The following DCDC1 variants were observed in gnomAD, a reference collection of about 807,000 sequenced individuals.
DCDC1 encodes doublecortin domain-containing protein 1.
Under a neutral mutation model 178.3 loss-of-function variants are expected in DCDC1, and 200 were observed. That is an observed-to-expected ratio of 1.12 (90% CI 1.00 to 1.26). The LOEUF (loss-of-function observed/expected upper bound fraction) is 1.26. Among genes scored for constraint, DCDC1 ranks in the 50% most tolerant of loss-of-function variants. DCDC1 has a pLI of 0.00. For missense variants in DCDC1, 1,983 were observed against 1,749.2 expected (o/e 1.13, Z -2.38); for synonymous variants, 690 against 604.8 (o/e 1.14, Z -2.07).
In DCDC1 at chr11:31,310,308, A is replaced by ATTTTTTTTT. The variant is rs11407483; in HGVS notation, c.165-2409_165-2401dup. Among the ~76,000 whole-genome samples the ATTTTTTTTT allele has an allele frequency of 1.4e-3, 74 of 53,876 alleles. 7 individuals are homozygous for ATTTTTTTTT. The highest frequency in any genetic ancestry group is 2.0e-3 in the African/African-American group (24 of 11,726). 35.3% of individuals were successfully genotyped at this position (53,876 alleles called of 152,430 possible). ...GAGGACAGGTTTTCAGTAATTCTTG[A>ATTTTTTTTT]TTTTTTTTTTTTTTTTTTTTTTTTT... On this transcript the variant is annotated intron_variant, in intron 3 of 38. Transcript: ENST00000684477.
chr11:31,221,413 A>G (rs1200062644), intron 9 of DCDC1, among the ~76,000 whole-genome samples: 4 of 152,202 alleles, frequency 2.6e-5, no homozygotes, highest in African/African-American at 9.6e-5. Context: ...CAAGTCAAAA[A>G]CCTAGCAATG....
intron 2 of DCDC1, among the ~76,000 whole-genome samples, chr11:31,333,727 A>G (rs533510032): frequency 2.5e-4 from 38 of 152,280 alleles, no homozygotes; most frequent in African/African-American, 8.4e-4. Context: ...TCTGGTTTGT[A>G]GAGTTTCTGC....
intron 2 of DCDC1, among the ~76,000 whole-genome samples, chr11:31,334,427 C>G (rs886854821): frequency 6.6e-6 from 1 of 152,134 alleles, no homozygotes; most frequent in Non-Finnish European, 1.5e-5. Context: ...CCATTGCTGG[C>G]GAGGAGCTGC....
At chr11:31,053,330 T>C (rs547802791) in intron 20 of DCDC1, among the ~76,000 whole-genome samples, 30 of 152,142 alleles carry the variant, frequency 2.0e-4, no homozygotes, top group African/African-American at 6.5e-4. Context: ...GAGATTGAAA[T>C]GGTAATTTAA....
intron 9 of DCDC1, among the ~76,000 whole-genome samples, chr11:31,218,026 C>T (rs1373463976): frequency 2.0e-5 from 3 of 151,936 alleles, no homozygotes; most frequent in Non-Finnish European, 2.9e-5. Flanking sequence ...AGAAATATCT[C>T]CTCTCTAAAA....
Position 30,881,177 on chromosome 11 carries a change from A to C in DCDC1, c.5214T>G (p.His1738Gln). 4 of 1,613,296 alleles carry C rather than the reference A, an allele frequency of 2.5e-6. No individual in the cohort carries two copies. Among genetic ancestry groups the C allele is most frequent in the Non-Finnish European group, 3.4e-6 (4 of 1,179,452 alleles). Residue 1738 changes from histidine to glutamine, a missense_variant, in exon 37 of 39, where the codon CAT becomes CAG. Transcript: ENST00000684477. ...GCATACCTTTTGGGGTTTTGAAACC[A>C]TGTCCCATAGACACACAGATGACCA... The part of the protein sequence containing the change: ...RDMVICVSMG[H>Q]GFKTPKELKQ...
At chr11:30,972,998 G>A (rs1045310299) in intron 20 of DCDC1, among the ~76,000 whole-genome samples, 15 of 152,020 alleles carry the variant, frequency 9.9e-5, no homozygotes, top group Admixed American at 6.6e-5. Context: ...CCGGCCAGGC[G>A]TGGTGGCTTA....
intron 23 of DCDC1, among the ~76,000 whole-genome samples, chr11:30,924,122 C>A (rs1395418251): frequency 6.6e-6 from 1 of 152,160 alleles, no homozygotes; most frequent in Non-Finnish European, 1.5e-5. Flanking sequence ...CTATACTTAC[C>A]ATTAAATTAA....
At chr11:31,271,902 C>T (rs1049687809) in intron 7 of DCDC1, among the ~76,000 whole-genome samples, 1 of 152,114 alleles carries the variant, frequency 6.6e-6, no homozygotes, top group Non-Finnish European at 1.5e-5. Flanking sequence ...GTAGCTCATG[C>T]CTGTAATCCC....
chr11:31,235,532 G>A (rs575396784), intron 9 of DCDC1, among the ~76,000 whole-genome samples: 3 of 151,746 alleles, frequency 2.0e-5, no homozygotes, highest in Non-Finnish European at 2.9e-5. Context: ...AAGTACAGAG[G>A]ATAAATGATT....
intron 20 of DCDC1, among the ~76,000 whole-genome samples, chr11:31,019,789 C>T (rs1424861800): frequency 6.6e-6 from 1 of 152,152 alleles, no homozygotes; most frequent in African/African-American, 2.4e-5. Context: ...CCAGTCAAAT[C>T]TGCTTTTCTG....
chr11:30,954,561 T>C (rs942614673), intron 20 of DCDC1, among the ~76,000 whole-genome samples: 2 of 152,226 alleles, frequency 1.3e-5, no homozygotes, highest in Non-Finnish European at 2.9e-5. Flanking sequence ...AGCAATTGTA[T>C]TTATAATTAA....
At chr11:30,888,032 G>GAGAAAGAA (rs1276190350) in intron 36 of DCDC1, among the ~76,000 whole-genome samples, 26 of 111,476 alleles carry the variant, frequency 2.3e-4, no homozygotes, top group African/African-American at 9.5e-4. Context: ...GAGAGAGAGA[G>GAGAAAGAA]AGAAAGAAAG....
intron 8 of DCDC1, among the ~76,000 whole-genome samples, chr11:31,259,234 T>C (rs1013553616): frequency 6.6e-6 from 1 of 151,990 alleles, no homozygotes; most frequent in Admixed American, 6.6e-5. Flanking sequence ...GTGCCTGTAA[T>C]CCACGCTATT....
At chr11:31,309,062 T>C (rs993268507) in intron 3 of DCDC1, among the ~76,000 whole-genome samples, 1 of 152,096 alleles carries the variant, frequency 6.6e-6, no homozygotes, top group Non-Finnish European at 1.5e-5. Context: ...GCCCTCTTTA[T>C]GGTCACAAAC....
intron 20 of DCDC1, among the ~76,000 whole-genome samples, chr11:30,994,162 A>C (rs1951126173): frequency 6.6e-6 from 1 of 152,230 alleles, no homozygotes; most frequent in Non-Finnish European, 1.5e-5. Context: ...AAATCAATTA[A>C]TGTAACATAC....
intron 21 of DCDC1, among the ~76,000 whole-genome samples, chr11:30,938,616 T>G (rs1186958853): frequency 2.0e-5 from 3 of 152,182 alleles, no homozygotes; most frequent in Non-Finnish European, 2.9e-5. Flanking sequence ...CCATCTCTTC[T>G]TGTGAGGATG....
chr11:30,952,524 T>G lies in DCDC1; in HGVS notation c.2636A>C (p.Lys879Thr), dbSNP rs375701668. The G allele has an allele frequency of 1.5e-5, 24 of 1,584,680 alleles. No homozygotes were observed. The highest frequency in any genetic ancestry group is 2.1e-5 in the Non-Finnish European group (24 of 1,168,804). ...HEGTSKPGQW[K>T]HSRVENPLWN... ...TAGAGGATTTTCAACTCTAGAATGT[T>G]TCCACTGGCCTGGCTTACTGGTTCC... The change falls in exon 21 of 39, where the codon AAA becomes ACA. Residue 879 changes from lysine (K) to threonine (T), a missense_variant. Coordinates refer to ENST00000684477, the MANE Select transcript of DCDC1 (RefSeq NM_001387274.1).
chr11:31,307,739 A>G lies in DCDC1; in HGVS notation c.334T>C (p.Ser112Pro), dbSNP rs767337831. 31 of 1,613,958 alleles carry G rather than the reference A, an allele frequency of 1.9e-5. 1 individual carries two copies. In the South Asian group the frequency reaches 3.4e-4, roughly 18 times the overall value. Residue 112 changes from serine to proline, a missense_variant, in exon 4 of 39, where the codon TCA (serine) becomes CCA (proline). By Grantham distance (74) the Ser-to-Pro change is moderately conservative. Transcript: ENST00000684477. ...TTTGATTTGTAGCTATCTAGGTCTG[A>G]TATTTCATCATGGCTGTGATCTGAT... The part of the protein sequence containing the change: ...TASDHSHDEI[S>P]DLDSYKSNSK...
Sources: allele counts gnomAD v4.1 joint callset (sites outside exome capture counted in the v4.1 genomes callset), GRCh38; gene constraint gnomAD v4.1.1; transcripts MANE v1.5; gene names NCBI Gene and HGNC (gene_info 2026-07-23, HGNC 2026-07-21).